The following SAMD12 variants were observed in gnomAD, a reference collection of about 807,000 sequenced individuals.
SAMD12 encodes sterile alpha motif domain-containing protein 12.
Under a neutral mutation model 15.0 loss-of-function variants are expected in SAMD12, and 9 were observed. That is an observed-to-expected ratio of 0.60 (90% confidence interval 0.36 to 1.05). SAMD12 has a LOEUF of 1.05. Ranked by LOEUF, SAMD12 falls within the 50% of genes least tolerant of loss-of-function variation. SAMD12 has a pLI of 0.01. For missense variants in SAMD12, 230 were observed against 234.2 expected, an observed-to-expected ratio of 0.98 and a Z score of 0.12; for synonymous variants, 86 against 90.1, an observed-to-expected ratio of 0.96 and a Z score of 0.25.
rs990945207 is a variant in SAMD12 at position 118,238,488 on chromosome 8, T to C, written c.434-40756A>G. Among the ~76,000 whole-genome samples, 4 of 152,144 alleles carry C rather than the reference T, an allele frequency of 2.6e-5. No homozygotes were observed. The South Asian group carries it at 8.3e-4, about 32-fold the overall frequency. The stretch of plus-strand genomic sequence containing the variant: ...ATCATATCTCAGGACTTGCCCAAAG[T>C]CACAGCGAGTCCTGGAACTTACATC... On this transcript the variant is annotated intron_variant, in intron 4 of 4. Coordinates refer to the SAMD12 transcript ENST00000409003.
At chr8:118,375,558 C>T (rs1454220013), downstream of SAMD12, 1 of 152,158 alleles carries the variant, frequency 6.6e-6, no homozygotes, top group Non-Finnish European at 1.5e-5. Context: ...CATTTACTAT[C>T]ATACTGTATC....
intron 3 of SAMD12, among the ~76,000 whole-genome samples, chr8:118,421,692 A>G (rs966597980): frequency 4.6e-5 from 7 of 152,214 alleles, no homozygotes; most frequent in African/African-American, 1.7e-4. Context: ...AGCTTTTTAG[A>G]TAAAGGATAT....
rs546540626 is a variant in SAMD12, at chr8:118,338,812, C to T, written c.433+40748G>A. Among the ~76,000 whole-genome samples the T allele has an allele frequency of 5.3e-3, 803 of 152,304 alleles. 2 individuals are homozygous for T. The highest frequency in any genetic ancestry group is 7.5e-3 in the Non-Finnish European group (513 of 68,024). ...CAAAGGCATCCCTACCTAACAATTT[C>T]CTGACAACCTCATGTTTTTGTTATT... On this transcript the variant is annotated intron_variant, in intron 4 of 4. Transcript: ENST00000409003.
chr8:118,288,541 C>T (rs1001559451), intron 4 of SAMD12, among the ~76,000 whole-genome samples: 2 of 152,160 alleles, frequency 1.3e-5, no homozygotes, highest in East Asian at 3.9e-4. Context: ...TCATAAACTA[C>T]AATTAGTCCA....
At chr8:118,533,376 G>A (rs1223704679) in intron 2 of SAMD12, among the ~76,000 whole-genome samples, 1 of 152,160 alleles carries the variant, frequency 6.6e-6, no homozygotes, top group South Asian at 2.1e-4. Context: ...GGTCAATTTT[G>A]GAATAAGTGT....
chr8:118,363,469 T>C (rs1039841914), intron 4 of SAMD12, among the ~76,000 whole-genome samples: 3 of 152,218 alleles, frequency 2.0e-5, no homozygotes, highest in Non-Finnish European at 4.4e-5. Context: ...TGCCTTGAGC[T>C]GAGACACTGG....
intron 2 of SAMD12, among the ~76,000 whole-genome samples, chr8:118,487,070 T>C (rs1824311354): frequency 6.6e-6 from 1 of 152,010 alleles, no homozygotes; most frequent in African/African-American, 2.4e-5. Context: ...AGGGTCCAAG[T>C]AGGGCAAAGA....
At chr8:118,561,166 T>A (rs188686004) in intron 2 of SAMD12, among the ~76,000 whole-genome samples, 136 of 152,254 alleles carry the variant, frequency 8.9e-4, no homozygotes, top group African/African-American at 2.3e-3. Context: ...GGAAACAGAC[T>A]AAAAATGAAC....
At chr8:118,514,664 T>C (rs1825180382) in intron 2 of SAMD12, among the ~76,000 whole-genome samples, 1 of 152,270 alleles carries the variant, frequency 6.6e-6, no homozygotes, top group Admixed American at 6.5e-5. Flanking sequence ...GAGACAATTA[T>C]AGGTAATATT....
chr8:118,183,980 A>G, the SAMD12 span, among the ~76,000 whole-genome samples: 1 of 152,216 alleles, frequency 6.6e-6, no homozygotes. Context: ...CAGGGAAATG[A>G]TAATATCCAA....
At chr8:118,149,095 T>C in the SAMD12 span, among the ~76,000 whole-genome samples, 1 of 152,188 alleles carries the variant, frequency 6.6e-6, no homozygotes, top group African/African-American at 2.4e-5. Flanking sequence ...ATGCTTAACT[T>C]TTTTGTTTTT....
chr8:118,527,354 T>C (rs937238655), intron 2 of SAMD12, among the ~76,000 whole-genome samples: 12 of 152,214 alleles, frequency 7.9e-5, no homozygotes, highest in African/African-American at 2.4e-4. Context: ...ATGCAATGTG[T>C]TTCCTTATTT....
chr8:118,553,663 A>C (rs985518887), intron 2 of SAMD12, among the ~76,000 whole-genome samples: 26 of 151,020 alleles, frequency 1.7e-4, no homozygotes, highest in Admixed American at 4.6e-4. Context: ...AATGGCAACA[A>C]AAGCCAAAAT....
chr8:118,198,549 G>C (rs540939772), intron 4 of SAMD12, among the ~76,000 whole-genome samples: 1 of 152,166 alleles, frequency 6.6e-6, no homozygotes, highest in South Asian at 2.1e-4. Flanking sequence ...AAGCACAGCA[G>C]GTATTCTTGA....
At chr8:118,450,677 A>T (rs1823054134) in intron 2 of SAMD12, among the ~76,000 whole-genome samples, 1 of 152,334 alleles carries the variant, frequency 6.6e-6, no homozygotes, top group East Asian at 1.9e-4. Context: ...TCCTCAGTGC[A>T]AAAATGCCCC....
intron 3 of SAMD12, among the ~76,000 whole-genome samples, chr8:118,413,021 G>T (rs1821490112): frequency 1.3e-5 from 2 of 152,076 alleles, no homozygotes. Context: ...ATTGCTATGA[G>T]AAGGTATACC....
intron 4 of SAMD12, among the ~76,000 whole-genome samples, chr8:118,325,499 T>C (rs1816523866): frequency 6.6e-6 from 1 of 152,150 alleles, no homozygotes. Flanking sequence ...TATTTTGACA[T>C]ATGTGTACCT....
At chr8:118,151,037 TA>T in the SAMD12 span, among the ~76,000 whole-genome samples, 1 of 150,998 alleles carries the variant, frequency 6.6e-6, no homozygotes, top group African/African-American at 2.4e-5. Flanking sequence ...GACCCATCTC[TA>T]AAAAAATTTT....
chr8:118,339,425 C>A (rs1817240037), intron 4 of SAMD12, among the ~76,000 whole-genome samples: 1 of 152,152 alleles, frequency 6.6e-6, no homozygotes, highest in Admixed American at 6.5e-5. Flanking sequence ...AGAAAAAAGA[C>A]AATTCCTCGA....
Sources: gnomAD v4.1 joint callset for allele counts (sites outside exome capture counted in the v4.1 genomes callset) on GRCh38, gnomAD v4.1.1 for gene constraint, MANE v1.5 for transcripts, NCBI Gene and HGNC (gene_info 2026-07-23, HGNC 2026-07-21) for gene names.